STARD8: variants seen among roughly 807,000 people sequenced by gnomAD.
The protein encoded by STARD8 is stAR-related lipid transfer protein 8.
In STARD8, 25 loss-of-function variants were observed where a neutral mutation model predicts 69.4. The observed-to-expected ratio is 0.36, with a 90% confidence interval of 0.26 to 0.50. The LOEUF (loss-of-function observed/expected upper bound fraction) is 0.50. Among genes scored for constraint, STARD8 ranks in the 20% least tolerant of loss-of-function variants. The pLI is 0.96. For synonymous variants in STARD8, 389 were observed against 374.6 expected (o/e 1.04, Z -0.45); for missense variants, 921 against 932.5 (o/e 0.99, Z 0.16).
chrX:68,715,587 G>C lies in STARD8; in HGVS notation c.233+212G>C, dbSNP rs1293742449. On this transcript the variant is annotated intron_variant, in intron 4 of 14. Transcript: ENST00000374599. ...AGCTAGAAAGCCAAGATCTGGCCTT[G>C]TTTCTTTTCTCCTAAAGTTATAGCC... Among the ~76,000 whole-genome samples the C allele has an allele frequency of 2.7e-5, 3 of 112,555 alleles. No homozygotes were observed. The East Asian group carries it at 8.4e-4, about 32-fold the overall frequency.
intron 2 of STARD8, among the ~76,000 whole-genome samples, chrX:68,704,053 C>T (rs1434718931): frequency 1.8e-5 from 2 of 111,883 alleles, no homozygotes; most frequent in Non-Finnish European, 3.8e-5. Context: ...GTAGGGCTTC[C>T]TGTCTGTGTG....
At chrX:68,662,708 G>A (rs765129384) in intron 1 of STARD8, among the ~76,000 whole-genome samples, 2 of 111,829 alleles carry the variant, frequency 1.8e-5, no homozygotes, top group East Asian at 5.6e-4. Context: ...CAACTGCTTA[G>A]CTTTCAAGAC....
chrX:68,693,600 G>T, intron 2 of STARD8: 1 of 747,797 alleles, frequency 1.3e-6, no homozygotes, highest in Non-Finnish European at 1.6e-6. Context: ...TGGGCGGGGC[G>T]TCCCTACAGC....
chrX:68,659,478 CT>C (rs1398168931), intron 1 of STARD8, among the ~76,000 whole-genome samples: 3 of 110,978 alleles, frequency 2.7e-5, no homozygotes, highest in Non-Finnish European at 5.7e-5. Flanking sequence ...GCTCCCACCC[CT>C]GGTCAGACTA....
At chrX:68,654,232 G>A (rs895046330) in intron 1 of STARD8, among the ~76,000 whole-genome samples, 11 of 111,557 alleles carry the variant, frequency 9.9e-5, no homozygotes, top group African/African-American at 2.9e-4. Flanking sequence ...TTCCAATGTG[G>A]TCTGTGTAAT....
chrX:68,685,467 C>A (rs1329282370), intron 2 of STARD8, among the ~76,000 whole-genome samples: 1 of 112,388 alleles, frequency 8.9e-6, no homozygotes, highest in Non-Finnish European at 1.9e-5. Context: ...TCAGGTAATG[C>A]AAGTTTGCTT....
intron 1 of STARD8, chrX:68,656,203 T>C (rs1202759436): frequency 8.9e-6 from 1 of 112,302 alleles, no homozygotes; most frequent in Non-Finnish European, 1.9e-5. Context: ...ATGAGAAAGT[T>C]ACTTCGCCTT....
chrX:68,690,686 T>TTA (rs770243247), intron 2 of STARD8, among the ~76,000 whole-genome samples: 1 of 112,258 alleles, frequency 8.9e-6, no homozygotes, highest in South Asian at 3.7e-4. Context: ...GTCTTGTTAT[T>TTA]TATAGGTGAA....
chrX:68,720,417 G>A lies in STARD8; in HGVS notation c.2043G>A (p.Leu681=). The A allele has an allele frequency of 8.5e-7, 1 of 1,173,185 alleles. No homozygotes were observed. The highest frequency in any genetic ancestry group is 2.5e-4 in the Middle Eastern group (1 of 3,957). Residue 681 remains leucine (L), a synonymous_variant, in exon 8 of 15, where the codon CTG becomes CTA. Transcript: ENST00000374599. The part of the protein sequence containing the change: ...QAMRYLRSQC[L]DQVGIFRKSG... Reference sequence around the variant, plus strand: ...TGCGCTACTTGCGCAGCCAGTGCCTGGACCAAGTGAGCCCTCGTGGGGCAG... The same window carrying A: ...TGCGCTACTTGCGCAGCCAGTGCCTAGACCAAGTGAGCCCTCGTGGGGCAG...
intron 2 of STARD8, among the ~76,000 whole-genome samples, chrX:68,691,857 A>G (rs1411659311): frequency 8.9e-6 from 1 of 112,485 alleles, no homozygotes; most frequent in Non-Finnish European, 1.9e-5. Flanking sequence ...GACTTTGCTC[A>G]TTAGTCATAT....
rs775804788 is a variant in STARD8 at position 68,720,301 on chromosome X, G to C, written c.1927G>C (p.Asp643His). The C allele has an allele frequency of 8.3e-7, 1 of 1,205,934 alleles. No individual in the cohort carries two copies. The highest frequency in any genetic ancestry group is 1.1e-6 in the Non-Finnish European group (1 of 892,490). ...PKFMRRNKTPDYRGQHVFGVP... is the reference protein window; with the variant it reads ...PKFMRRNKTPHYRGQHVFGVP... ...GTTCATGAGGAGGAACAAGACCCCA[G>C]ATTACCGGGGACAGCACGTATTTGG... is the stretch of plus-strand genomic sequence containing the variant. The change falls in exon 8 of 15, where the codon GAT becomes CAT. Residue 643 changes from aspartate to histidine, a missense_variant. Coordinates refer to ENST00000374599, the MANE Select transcript of STARD8 (RefSeq NM_001142503.3).
intron 1 of STARD8, among the ~76,000 whole-genome samples, chrX:68,653,411 AC>A (rs2079586185): frequency 2.5e-5 from 1 of 39,233 alleles, no homozygotes; most frequent in East Asian, 9.5e-4. Flanking sequence ...CACCACACAC[AC>A]CACACCACAC....
At position 68,721,764 on chromosome X, in the gene STARD8, A is replaced by G; in HGVS notation, c.2459+18A>G. ...TCTCCCAGGTGAAATGGTGCACGGC[A>G]TGTCAGGGCCGGGCTGGGTCCAGAC... On this transcript the variant is annotated intron_variant, in intron 10 of 14. Coordinates refer to ENST00000374599, the MANE Select transcript of STARD8 (RefSeq NM_001142503.3). 8.4e-7 allele frequency: 1 copy of G among 1,196,281 alleles called. No individual in the cohort carries two copies.
intron 1 of STARD8, among the ~76,000 whole-genome samples, chrX:68,653,479 A>C (rs1464164910): frequency 3.8e-5 from 1 of 26,464 alleles, no homozygotes; most frequent in African/African-American, 1.5e-4. Context: ...CACCCCACAC[A>C]CACACCCCAC....
At chrX:68,693,323 C>T (rs1403678264) in intron 2 of STARD8, among the ~76,000 whole-genome samples, 2 of 112,735 alleles carry the variant, frequency 1.8e-5, no homozygotes, top group Non-Finnish European at 3.7e-5. Flanking sequence ...TGAACCCTCC[C>T]GGGCACATAG....
intron 2 of STARD8, among the ~76,000 whole-genome samples, chrX:68,698,466 T>C (rs2079939963): frequency 9.0e-6 from 1 of 110,804 alleles, no homozygotes; most frequent in African/African-American, 3.3e-5. Flanking sequence ...GCAGTGGAAA[T>C]GGGGACAGCC....
chrX:68,717,813 A>T lies in STARD8; in HGVS notation c.899A>T (p.His300Leu), dbSNP rs1341018200. ...QWTHRGDCLV[H>L]VPGDHKPGTF... ...ACACACCGGGGTGATTGCCTGGTGCACGTTCCTGGGGACCACAAACCAGGC... is the reference window on the plus strand; with the variant it reads ...ACACACCGGGGTGATTGCCTGGTGCTCGTTCCTGGGGACCACAAACCAGGC... The change falls in exon 6 of 15, where the codon CAC becomes CTC. Residue 300 changes from histidine to leucine, a missense_variant. By Grantham distance (99) the His-to-Leu change is moderately conservative. Transcript: ENST00000374599. 1 of 1,210,010 alleles carries T rather than the reference A, an allele frequency of 8.3e-7. No individual in the cohort carries two copies. Among genetic ancestry groups the T allele is most frequent in the African/African-American group, 1.7e-5 (1 of 57,352 alleles).
chrX:68,721,973 G>A (rs777468588), intron 10 of STARD8, 74 bp from the exon 11 acceptor site: 46 of 1,005,915 alleles, frequency 4.6e-5, no homozygotes, highest in Non-Finnish European at 6.0e-5. Context: ...CTGGCAGCTA[G>A]AAGGCAGCCT....
At chrX:68,702,273 G>A (rs1006656317) in intron 2 of STARD8, among the ~76,000 whole-genome samples, 1 of 112,178 alleles carries the variant, frequency 8.9e-6, no homozygotes, top group East Asian at 2.8e-4. Flanking sequence ...CATGGGGAGT[G>A]GATTCTAAAG....
Sources: gnomAD v4.1 joint callset for allele counts (sites outside exome capture counted in the v4.1 genomes callset) on GRCh38, gnomAD v4.1.1 for gene constraint, MANE v1.5 for transcripts, NCBI Gene and HGNC (gene_info 2026-07-23, HGNC 2026-07-21) for gene names.